CREG2: variants seen among roughly 807,000 people sequenced by gnomAD.
CREG2 encodes protein CREG2.
Under a neutral mutation model 26.2 loss-of-function variants are expected in CREG2, and 24 were observed. The ratio of observed to expected loss-of-function variants is 0.92; its 90% CI spans 0.66 to 1.29. The LOEUF (loss-of-function observed/expected upper bound fraction) is 1.29. CREG2 is among the 50% of genes most tolerant of loss of function. The probability of loss-of-function intolerance (pLI) is 0.00; values close to 1 mark genes in which losing one functional copy is unlikely to be tolerated. For missense variants in CREG2, 366 were observed against 398.6 expected (o/e 0.92, Z 0.70); for synonymous variants, 174 against 169.2 (o/e 1.03, Z -0.22).
chr2:101,370,345 T>G (rs1684685682), intron 2 of CREG2, among the ~76,000 whole-genome samples: 1 of 152,182 alleles, frequency 6.6e-6, no homozygotes, highest in African/African-American at 2.4e-5. Flanking sequence ...AAGAAACACC[T>G]GTTACTGACC....
At chr2:101,352,012 A>C (rs1573299582) in intron 3 of CREG2, among the ~76,000 whole-genome samples, 1 of 151,234 alleles carries the variant, frequency 6.6e-6, no homozygotes, top group African/African-American at 2.4e-5. Flanking sequence ...CAGCCTCATG[A>C]GTAGCGTGCC....
intron 3 of CREG2, among the ~76,000 whole-genome samples, chr2:101,354,123 A>G (rs543498045): frequency 6.6e-6 from 1 of 152,324 alleles, no homozygotes; most frequent in East Asian, 1.9e-4. Context: ...CTTAAAATAA[A>G]AATAAAAAAA....
chr2:101,370,030 G>C (rs1684680080), intron 2 of CREG2, among the ~76,000 whole-genome samples: 1 of 152,182 alleles, frequency 6.6e-6, no homozygotes, highest in African/African-American at 2.4e-5. Context: ...GAATACAGTG[G>C]GTAACAGTCC....
intron 2 of CREG2, among the ~76,000 whole-genome samples, chr2:101,357,024 G>A (rs1338954330): frequency 6.6e-6 from 1 of 152,060 alleles, no homozygotes; most frequent in Non-Finnish European, 1.5e-5. Context: ...TGAGTAGTGG[G>A]GACTACAGGA....
At chr2:101,362,933 G>A (rs1187355457) in intron 2 of CREG2, among the ~76,000 whole-genome samples, 3 of 152,152 alleles carry the variant, frequency 2.0e-5, no homozygotes, top group Non-Finnish European at 4.4e-5. Flanking sequence ...GAGAGTGGCA[G>A]GAGCTGTCCT....
At chr2:101,383,810 G>C in intron 1 of CREG2, 108 bp from the exon 2 acceptor site, 1 of 1,041,596 alleles carries the variant, frequency 9.6e-7, no homozygotes, top group Non-Finnish European at 1.4e-6. Context: ...GGATGAGGGG[G>C]GATCATGGCA....
rs1684995754 is a variant in CREG2 at position 101,387,489 on chromosome 2, G to T, written c.-32C>A. 2 of 835,212 alleles carry T rather than the reference G, an allele frequency of 2.4e-6. No individual in the cohort carries two copies. The highest frequency in any genetic ancestry group is 3.1e-6 in the Non-Finnish European group (2 of 635,552). 51.7% of individuals were successfully genotyped at this position (835,212 alleles called of 1,614,324 possible). ...GGCAGCACGCCCGGCCGCCGGGGCC[G>T]CCAGCAGCGCTAGTGCCGGGGAGCC... On this transcript the variant is annotated 5_prime_UTR_variant, in exon 1 of 4. Transcript: ENST00000324768. This position sits in a 1 kb window ranked among gnomAD's most constrained non-coding sequence, Gnocchi z 4.7.
intron 2 of CREG2, among the ~76,000 whole-genome samples, chr2:101,363,584 G>A (rs574227850): frequency 6.6e-6 from 1 of 152,206 alleles, no homozygotes; most frequent in South Asian, 2.1e-4. Context: ...AATATTGGAG[G>A]AAAGGATGTA....
At chr2:101,352,681 A>G (rs1336729315) in intron 3 of CREG2, among the ~76,000 whole-genome samples, 1 of 152,134 alleles carries the variant, frequency 6.6e-6, no homozygotes, top group African/African-American at 2.4e-5. Context: ...GGTGGTGCAC[A>G]CCTGTAATCC....
Position 101,387,492 on chromosome 2 carries a change from A to C in CREG2, c.-35T>G. 1 of 814,180 alleles carries C rather than the reference A, an allele frequency of 1.2e-6. No individual in the cohort carries two copies. The highest frequency in any genetic ancestry group is 1.6e-6 in the Non-Finnish European group (1 of 617,786). 50.4% of individuals were successfully genotyped at this position (814,180 alleles called of 1,614,324 possible). On this transcript the variant is annotated 5_prime_UTR_variant, in exon 1 of 4. Coordinates refer to ENST00000324768, the MANE Select transcript of CREG2 (RefSeq NM_153836.4). This position sits in a 1 kb window ranked among gnomAD's most constrained non-coding sequence, Gnocchi z 4.7. ...AGCACGCCCGGCCGCCGGGGCCGCC[A>C]GCAGCGCTAGTGCCGGGGAGCCCGG...
In CREG2 at chr2:101,359,046, AAAAAAAAAAAAAAAAAAAAAAAAAAAG is replaced by A. The variant is rs1241402172; in HGVS notation, c.612-3707_612-3681del. 6.8e-5 allele frequency among the ~76,000 whole-genome samples: 8 copies of A among 118,070 alleles called. 3 individuals are homozygous for A. Among genetic ancestry groups the A allele is most frequent in the Non-Finnish European group, 1.2e-4 (7 of 57,230 alleles). 77.5% of individuals were successfully genotyped at this position (118,070 alleles called of 152,430 possible). On this transcript the variant is annotated intron_variant, in intron 2 of 3. Transcript: ENST00000324768. ...CGAGACTCCGTCTCAAAAAAAAAAAAAAAAAAAAAAAAAAAAAAAAAAAAAAGAGAGAACTGAGGCAAGTTTTAGAGC... is the reference window on the plus strand; with the variant it reads ...CGAGACTCCGTCTCAAAAAAAAAAAAAGAGAACTGAGGCAAGTTTTAGAGC...
Position 101,383,530 on chromosome 2 carries a change from T to C in CREG2, c.611+3A>G. On this transcript the variant is annotated splice_donor_region_variant and intron_variant, in intron 2 of 3. Transcript: ENST00000324768. The stretch of plus-strand genomic sequence containing the variant: ...GTGTGAGTGAGGGCAAACCGTCGTC[T>C]ACCTGCAGAACTCCCCTTCTGATTC... 6.2e-7 allele frequency: 1 copy of C among 1,613,656 alleles called. No homozygotes were observed.
chr2:101,356,553 CT>C (rs963750989), intron 2 of CREG2, among the ~76,000 whole-genome samples: 1 of 145,088 alleles, frequency 6.9e-6, no homozygotes, highest in African/African-American at 2.6e-5. Flanking sequence ...GGTTTTCTTT[CT>C]TTTTTTTTAA....
intron 2 of CREG2, among the ~76,000 whole-genome samples, chr2:101,378,909 G>C (rs1378955659): frequency 1.3e-5 from 2 of 152,060 alleles, no homozygotes; most frequent in African/African-American, 4.8e-5. Context: ...AGGACGCTGA[G>C]GCAGGAGAAT....
At chr2:101,369,790 G>A (rs1156468846) in intron 2 of CREG2, among the ~76,000 whole-genome samples, 6 of 152,100 alleles carry the variant, frequency 3.9e-5, no homozygotes, top group East Asian at 1.9e-4. Context: ...TTGTCCACGC[G>A]AATGCTTTAT....
rs190489194 is a variant in CREG2 at position 101,384,985 on chromosome 2, G to A, written c.442-1283C>T. ...CCACCATGAGTGGAAGCAGTCTGAG[G>A]CCTCCCCAGAAGCAGATGCTGCACC... On this transcript the variant is annotated intron_variant, in intron 1 of 3. Transcript: ENST00000324768. 1.3e-4 allele frequency among the ~76,000 whole-genome samples: 20 copies of A among 152,142 alleles called. No homozygotes were observed. In the East Asian group the frequency reaches 3.9e-3, roughly 29 times the overall value.
At chr2:101,377,188 T>C (rs1684806117) in intron 2 of CREG2, among the ~76,000 whole-genome samples, 2 of 152,124 alleles carry the variant, frequency 1.3e-5, no homozygotes, top group South Asian at 4.1e-4. Flanking sequence ...GAAAATATAC[T>C]CTATGAAAAG....
intron 2 of CREG2, among the ~76,000 whole-genome samples, chr2:101,380,459 C>T (rs1482280485): frequency 6.6e-6 from 1 of 152,240 alleles, no homozygotes; most frequent in Non-Finnish European, 1.5e-5. Context: ...GAAGGCACCC[C>T]TTTTCCTTCC....
chr2:101,355,289 T>C lies in CREG2; in HGVS notation c.689A>G (p.Glu230Gly). Residue 230 changes from glutamate (E) to glycine (G), a missense_variant, in exon 3 of 4, where the codon GAA becomes GGA. Transcript: ENST00000324768. ...LTGQMIAVSP[E>G]EVEFAKQAMF... ...GGCTTGCTTGGCAAATTCTACTTCT[T>C]CTGGAGACACTGCGATCATCTGGCC... 1 of 1,613,860 alleles carries C rather than the reference T, an allele frequency of 6.2e-7. No individual in the cohort carries two copies. The highest frequency in any genetic ancestry group is 8.5e-7 in the Non-Finnish European group (1 of 1,179,750).
Sources: gnomAD v4.1 joint callset for allele counts (sites outside exome capture counted in the v4.1 genomes callset) on GRCh38, gnomAD v4.1.1 for gene constraint, Gnocchi (gnomAD v3.1) non-coding constraint, MANE v1.5 for transcripts, NCBI Gene and HGNC (gene_info 2026-07-23, HGNC 2026-07-21) for gene names.